The following PIAS1 variants were observed in gnomAD, a reference collection of about 807,000 sequenced individuals.
PIAS1 encodes protein inhibitor of activated STAT 1.
In PIAS1, 6 loss-of-function variants were observed where a neutral mutation model predicts 71.3. That is an observed-to-expected ratio of 0.08 (90% CI 0.05 to 0.17). The LOEUF is 0.17. Among genes scored for constraint, PIAS1 ranks in the 10% least tolerant of loss-of-function variants. The probability of loss-of-function intolerance (pLI) is 1.00; values close to 1 mark genes in which losing one functional copy is unlikely to be tolerated. For synonymous variants in PIAS1, 303 were observed against 292.9 expected, an observed-to-expected ratio of 1.03 and a Z score of -0.35; for missense variants, 555 against 793.6, an observed-to-expected ratio of 0.70 and a Z score of 3.61.
intron 2 of PIAS1, among the ~76,000 whole-genome samples, chr15:68,113,979 G>A (rs1005547909): frequency 6.6e-6 from 1 of 150,738 alleles, no homozygotes; most frequent in Non-Finnish European, 1.5e-5. Flanking sequence ...CTAGCAATAG[G>A]ATCTCTCTCT....
chr15:68,105,441 T>G (rs2092460903), intron 2 of PIAS1, among the ~76,000 whole-genome samples: 1 of 152,134 alleles, frequency 6.6e-6, no homozygotes, highest in Non-Finnish European at 1.5e-5. Context: ...TTTCTCATAT[T>G]TCTCACTTTC....
At chr15:68,088,176 G>GTATATATATACA (rs1555424826) in intron 2 of PIAS1, among the ~76,000 whole-genome samples, 3 of 73,008 alleles carry the variant, frequency 4.1e-5, no homozygotes, top group African/African-American at 1.9e-4. Context: ...TTATGTGTGT[G>GTATATATATACA]TATATATATA....
intron 2 of PIAS1, among the ~76,000 whole-genome samples, chr15:68,127,213 C>A (rs1000631602): frequency 6.6e-6 from 1 of 152,158 alleles, no homozygotes; most frequent in African/African-American, 2.4e-5. Flanking sequence ...CTTGAGCCAC[C>A]GCGCCTGGTC....
chr15:68,141,022 TA>T (rs778011745), intron 2 of PIAS1, among the ~76,000 whole-genome samples: 219 of 150,230 alleles, frequency 1.5e-3, no homozygotes, highest in Middle Eastern at 0.01. Context: ...ACCACTGTTT[TA>T]AAAAAAAAAT....
chr15:68,077,995 G>T (rs2092188199), intron 1 of PIAS1, among the ~76,000 whole-genome samples: 1 of 152,178 alleles, frequency 6.6e-6, no homozygotes, highest in African/African-American at 2.4e-5. Flanking sequence ...CTTTCTCTCA[G>T]ATAGGGTATA....
chr15:68,169,185 T>G lies in PIAS1; in HGVS notation c.1008+4381T>G, dbSNP rs143769698. On this transcript the variant is annotated intron_variant, in intron 8 of 13. Coordinates refer to ENST00000249636, the MANE Select transcript of PIAS1 (RefSeq NM_016166.3). ...GCAATAGCAAAAGTACCTTATAAAA[T>G]AGGAATTTGTATTTCATAGATAAGC... 2.6e-5 allele frequency among the ~76,000 whole-genome samples: 4 copies of G among 152,296 alleles called. No individual in the cohort carries two copies. In the East Asian group the frequency reaches 7.7e-4, roughly 29 times the overall value.
chr15:68,181,500 G>T (rs986586783), intron 12 of PIAS1, 146 bp downstream of exon 12: 1 of 689,400 alleles, frequency 1.5e-6, no homozygotes. Flanking sequence ...ATAATATGCC[G>T]TTGTTATAAA....
chr15:68,097,138 T>C (rs2092382521), intron 2 of PIAS1, among the ~76,000 whole-genome samples: 1 of 152,224 alleles, frequency 6.6e-6, no homozygotes, highest in African/African-American at 2.4e-5. Flanking sequence ...TCAAATGTCT[T>C]TTCTACATCC....
At chr15:68,163,965 A>T (rs2092940716) in intron 7 of PIAS1, among the ~76,000 whole-genome samples, 1 of 152,180 alleles carries the variant, frequency 6.6e-6, no homozygotes, top group Non-Finnish European at 1.5e-5. Flanking sequence ...AGGTTTCCAG[A>T]TGAGAAGTAT....
rs35479013 is a variant in PIAS1, at chr15:68,156,709, T to TA, written c.934+3033dup. On this transcript the variant is annotated intron_variant, in intron 7 of 13. Coordinates refer to ENST00000249636, the MANE Select transcript of PIAS1 (RefSeq NM_016166.3). ...GGGCAACAGAGAGAGACACTGTCTT[T>TA]AAAAAAAAAAAAAAAAAAAGAGAGA... Among the ~76,000 whole-genome samples, 925 of 119,008 alleles carry TA rather than the reference T, an allele frequency of 7.8e-3. 11 individuals carry two copies. Among genetic ancestry groups the TA allele is most frequent in the African/African-American group, 0.019 (562 of 29,616 alleles). The allele number at this position is 119,008 out of a possible 152,430, so 78.1% of individuals were successfully genotyped here.
intron 2 of PIAS1, among the ~76,000 whole-genome samples, chr15:68,107,361 C>T (rs1461014697): frequency 6.6e-6 from 1 of 152,134 alleles, no homozygotes; most frequent in East Asian, 1.9e-4. Flanking sequence ...GAAGGAAATT[C>T]CATTTCTTCT....
intron 1 of PIAS1, among the ~76,000 whole-genome samples, chr15:68,061,955 C>G (rs1022287995): frequency 1.3e-5 from 2 of 152,166 alleles, no homozygotes; most frequent in Non-Finnish European, 2.9e-5. Flanking sequence ...TTCTCCCATC[C>G]CTACCCTGTG....
In PIAS1 at chr15:68,187,428, G is replaced by A. The variant is rs2093095006; in HGVS notation, c.1663-114G>A. 1.1e-6 allele frequency: 1 copy of A among 941,122 alleles called. No individual in the cohort carries two copies. Among genetic ancestry groups the A allele is most frequent in the Non-Finnish European group, 1.6e-6 (1 of 629,242 alleles). The allele number at this position is 941,122 out of a possible 1,614,324, so 58.3% of individuals were successfully genotyped here. ...GCAAAATGTCTTAGTAAATATTTCAGAAACCCTAGATACTCAGGCTATCTT... is the reference window on the plus strand; with the variant it reads ...GCAAAATGTCTTAGTAAATATTTCAAAAACCCTAGATACTCAGGCTATCTT... On this transcript the variant is annotated intron_variant, in intron 13 of 13. Coordinates refer to ENST00000249636, the MANE Select transcript of PIAS1 (RefSeq NM_016166.3). The surrounding 1 kb of genome is among the most constrained non-coding windows in gnomAD (Gnocchi z 5.3).
At chr15:68,125,734 T>C (rs996412228) in intron 2 of PIAS1, among the ~76,000 whole-genome samples, 5 of 152,124 alleles carry the variant, frequency 3.3e-5, no homozygotes, top group African/African-American at 1.2e-4. Flanking sequence ...AGGGTCTCAC[T>C]GTGTTACCCA....
intron 2 of PIAS1, among the ~76,000 whole-genome samples, chr15:68,119,053 A>G (rs1287885017): frequency 6.6e-6 from 1 of 151,802 alleles, no homozygotes; most frequent in Non-Finnish European, 1.5e-5. Flanking sequence ...ATAAGGGGTT[A>G]ATATATAAAG....
At chr15:68,170,260 A>G (rs2092983446) in intron 8 of PIAS1, among the ~76,000 whole-genome samples, 1 of 152,234 alleles carries the variant, frequency 6.6e-6, no homozygotes. Flanking sequence ...CAACAAAAGC[A>G]TCATAGGTGT....
chr15:68,112,565 T>C (rs1185702348), intron 2 of PIAS1, among the ~76,000 whole-genome samples: 2 of 152,088 alleles, frequency 1.3e-5, no homozygotes, highest in African/African-American at 2.4e-5. Context: ...TTTTAAAAAA[T>C]GTAAAGAATG....
rs931791280 is a variant in PIAS1 at position 68,167,595 on chromosome 15, G to A, written c.1008+2791G>A. Among the ~76,000 whole-genome samples the A allele has an allele frequency of 1.3e-5, 2 of 152,088 alleles. No homozygotes were observed. The highest frequency in any genetic ancestry group is 2.9e-5 in the Non-Finnish European group (2 of 68,012). On this transcript the variant is annotated intron_variant, in intron 8 of 13. Transcript: ENST00000249636. This position sits in a 1 kb window ranked among gnomAD's most constrained non-coding sequence, Gnocchi z 4.4. ...GGAGGAATCTTTGAAAAGCTGCTTT[G>A]TAAACCCAAATACAAATAACGTGGA...
At chr15:68,182,745 A>G (rs1448689600) in intron 12 of PIAS1, among the ~76,000 whole-genome samples, 1 of 152,170 alleles carries the variant, frequency 6.6e-6, no homozygotes, top group Non-Finnish European at 1.5e-5. Context: ...TAACGGTTAG[A>G]TATCTTTCTA....
Sources: allele counts gnomAD v4.1 joint callset (sites outside exome capture counted in the v4.1 genomes callset), GRCh38; gene constraint gnomAD v4.1.1; non-coding constraint Gnocchi (gnomAD v3.1); transcripts MANE v1.5; gene names NCBI Gene and HGNC (gene_info 2026-07-23, HGNC 2026-07-21).